The following PIKFYVE variants were observed in gnomAD, a reference collection of about 807,000 sequenced individuals.
PIKFYVE encodes 1-phosphatidylinositol 3-phosphate 5-kinase.
PIKFYVE carries 122 observed loss-of-function variants against 257.9 expected under a neutral mutation model. That is an observed-to-expected ratio of 0.47 (90% confidence interval 0.41 to 0.55). The LOEUF is 0.55. Ranked by LOEUF, PIKFYVE falls within the 20% of genes least tolerant of loss-of-function variation. The pLI is 0.00. For missense variants in PIKFYVE, 2,160 were observed against 2,536.6 expected (o/e 0.85, Z 3.19); for synonymous variants, 892 against 868.9 (o/e 1.03, Z -0.47).
intron 1 of PIKFYVE, 109 bp from the exon 2 acceptor site, chr2:208,271,402 G>T (rs1412459155): frequency 9.5e-7 from 1 of 1,047,548 alleles, no homozygotes; most frequent in African/African-American, 1.6e-5. Context: ...TGTTTTCATA[G>T]TCTGACTTTT....
intron 3 of PIKFYVE, among the ~76,000 whole-genome samples, chr2:208,276,313 A>G (rs552617914): frequency 3.2e-4 from 48 of 152,306 alleles, no homozygotes; most frequent in African/African-American, 1.1e-3. Context: ...GACTTTAGAG[A>G]CCAAGCTAAG....
rs1198645667 is a variant in PIKFYVE, at chr2:208,285,876, T to C, written c.764T>C (p.Val255Ala). The change falls in exon 6 of 42, where the codon GTT becomes GCT. Residue 255 changes from valine to alanine, a missense_variant. Around this residue, in one of 12 missense-constraint regions of PIKFYVE, gnomAD observed 187 missense variants for 185.6 expected, o/e 1.01. Transcript: ENST00000264380. ...GATCCAAGTGAACCCCGAACACCTG[T>C]TGGGAGTAGGAAAGCCAGCCGTAAC... ...VLDPSEPRTP[V>A]GSRKASRNIF... 6.2e-7 allele frequency: 1 copy of C among 1,614,042 alleles called. No individual in the cohort carries two copies. Among genetic ancestry groups the C allele is most frequent in the Non-Finnish European group, 8.5e-7 (1 of 1,180,034 alleles).
At chr2:208,338,854 T>C (rs184434689) in intron 29 of PIKFYVE, among the ~76,000 whole-genome samples, 1 of 152,294 alleles carries the variant, frequency 6.6e-6, no homozygotes, top group East Asian at 1.9e-4. Context: ...ACAAAGTCAA[T>C]CCCCAGGTTT....
At chr2:208,298,817 A>C (rs1693313115) in intron 8 of PIKFYVE, 38 bp downstream of exon 8, 1 of 1,611,698 alleles carries the variant, frequency 6.2e-7, no homozygotes. Flanking sequence ...GCTAGTTTTG[A>C]GCATAGAGAA....
chr2:208,322,996 T>G (rs1211901478), intron 17 of PIKFYVE, among the ~76,000 whole-genome samples: 4 of 151,674 alleles, frequency 2.6e-5, no homozygotes, highest in African/African-American at 9.7e-5. Context: ...GTTTCCAGCT[T>G]CATCCATGTC....
chr2:208,277,496 CAGTATTTTCA>C, intron 4 of PIKFYVE, 31 bp from the exon 5 acceptor site: 1 of 1,594,816 alleles, frequency 6.3e-7, no homozygotes, highest in Non-Finnish European at 8.6e-7. Flanking sequence ...TATTAATAAT[CAGTATTTTCA>C]AGAAGCCTTC....
chr2:208,348,599 A>AGTGTGTGTGTGTGTGTGTGTGTGTGT (rs35997291), intron 35 of PIKFYVE, among the ~76,000 whole-genome samples: 2 of 128,982 alleles, frequency 1.6e-5, no homozygotes, highest in Non-Finnish European at 3.2e-5. Context: ...AAAAAAAAAA[A>AGTGTGTGTGTGTGTGTGTGTGTGTGT]GTGTGTGTGT....
rs1437980451 is a variant in PIKFYVE at position 208,314,370 on chromosome 2, C to T, written c.1773C>T (p.Asn591=). The T allele has an allele frequency of 6.2e-7, 1 of 1,614,004 alleles. No individual in the cohort carries two copies. The highest frequency in any genetic ancestry group is 8.5e-7 in the Non-Finnish European group (1 of 1,179,938). ...CACCTTTGGGCTGGCATCATAACAA[C>T]CTGGAGCTCCTGAGGGAGGAGAATG... is the stretch of plus-strand genomic sequence containing the variant. ...PFTPLGWHHN[N]LELLREENGE... Residue 591 remains asparagine (N), a synonymous_variant, in exon 14 of 42, where the codon AAC becomes AAT. Coordinates refer to ENST00000264380, the MANE Select transcript of PIKFYVE (RefSeq NM_015040.4).
At chr2:208,333,247 A>G (rs1697758249) in intron 23 of PIKFYVE, 68 bp from the exon 24 acceptor site, 1 of 1,526,358 alleles carries the variant, frequency 6.6e-7, no homozygotes, top group Non-Finnish European at 9.0e-7. Context: ...AAAAAAAAAG[A>G]AAATGTTATT....
intron 24 of PIKFYVE, 124 bp from the exon 25 acceptor site, chr2:208,335,182 A>G (rs940311465): frequency 9.7e-6 from 7 of 720,546 alleles, no homozygotes; most frequent in African/African-American, 1.8e-5. Flanking sequence ...TTGTTTTAAA[A>G]TACGATTTTA....
In PIKFYVE at chr2:208,335,427, C is replaced by A; in HGVS notation, c.4256+8C>A. Reference sequence around the variant, plus strand: ...GAAGGACTTCTTTCAAAAGTAAGTTCAGTTTCTTTTATCATCTTTTTTTGT... The same window carrying A: ...GAAGGACTTCTTTCAAAAGTAAGTTAAGTTTCTTTTATCATCTTTTTTTGT... On this transcript the variant is annotated splice_region_variant and intron_variant, in intron 25 of 41. Coordinates refer to ENST00000264380, the MANE Select transcript of PIKFYVE (RefSeq NM_015040.4). 2 of 1,524,032 alleles carry A rather than the reference C, an allele frequency of 1.3e-6. No homozygotes were observed. Among genetic ancestry groups the A allele is most frequent in the South Asian group, 1.1e-5 (1 of 88,996 alleles). The allele number at this position is 1,524,032 out of a possible 1,614,324, so 94.4% of individuals were successfully genotyped here.
chr2:208,336,826 T>A lies in PIKFYVE; in HGVS notation c.4521-12T>A. ...AACCATATATATATATATTTTTTGC[T>A]TTTGGCCACAGGTTGCAGGACCTTT... On this transcript the variant is annotated splice_polypyrimidine_tract_variant and intron_variant, in intron 27 of 41. Transcript: ENST00000264380. 1 of 1,605,094 alleles carries A rather than the reference T, an allele frequency of 6.2e-7. No individual in the cohort carries two copies. Among genetic ancestry groups the A allele is most frequent in the Non-Finnish European group, 8.5e-7 (1 of 1,172,680 alleles).
At chr2:208,339,373 C>G in intron 29 of PIKFYVE, 45 bp from the exon 30 acceptor site, 1 of 1,602,020 alleles carries the variant, frequency 6.2e-7, no homozygotes, top group East Asian at 2.2e-5. Context: ...TAGACATGGA[C>G]TTAATGTATG....
chr2:208,310,622 T>A (rs887605127), intron 12 of PIKFYVE, among the ~76,000 whole-genome samples: 6 of 152,078 alleles, frequency 3.9e-5, no homozygotes, highest in Admixed American at 3.3e-4. Context: ...TAGGAAAACA[T>A]GGGATAGAGG....
At position 208,356,071 on chromosome 2, in the gene PIKFYVE, G is replaced by GT. The variant is rs886055538; in HGVS notation, c.*772dup. 3 of 152,012 alleles carry GT rather than the reference G, an allele frequency of 2.0e-5. No homozygotes were observed. Among genetic ancestry groups the GT allele is most frequent in the African/African-American group, 2.4e-5 (1 of 41,342 alleles). The allele number at this position is 152,012 out of a possible 1,614,324, so 9.4% of individuals were successfully genotyped here. A position where few individuals can be genotyped will look rare whatever the true frequency, so the allele number is the denominator to read the frequency against. ...TACTTGCATACGCTCATATTCTAGG[G>GT]TTTTTTCTCTATTTTTAGGGTATCA... is the stretch of plus-strand genomic sequence containing the variant. On this transcript the variant is annotated 3_prime_UTR_variant, in exon 42 of 42. Transcript: ENST00000264380.
At chr2:208,313,802 C>T (rs1172403699) in intron 13 of PIKFYVE, among the ~76,000 whole-genome samples, 2 of 152,068 alleles carry the variant, frequency 1.3e-5, no homozygotes, top group African/African-American at 2.4e-5. Flanking sequence ...AGGCTGGTCT[C>T]GAACTCCTGA....
intron 17 of PIKFYVE, among the ~76,000 whole-genome samples, chr2:208,323,484 C>T (rs532242661): frequency 8.8e-4 from 134 of 152,300 alleles, no homozygotes; most frequent in Non-Finnish European, 1.5e-3. Context: ...TGTGTATGTG[C>T]CACATTTTCT....
Position 208,333,051 on chromosome 2 carries a change from C to T in PIKFYVE, c.3964-264C>T, listed in dbSNP as rs142105435. ...AGATCGAGACCACCCTGGCTAACAT[C>T]GTGAAACCCTGTCTCTACTAAAAAT... On this transcript the variant is annotated intron_variant, in intron 23 of 41. Transcript: ENST00000264380. 6.0e-3 allele frequency among the ~76,000 whole-genome samples: 906 copies of T among 151,696 alleles called. 8 individuals are homozygous for T. Among genetic ancestry groups the T allele is most frequent in the African/African-American group, 0.021 (874 of 41,324 alleles).
Position 208,325,993 on chromosome 2 carries a change from C to A in PIKFYVE, c.3182C>A (p.Thr1061Lys). 1 of 1,614,156 alleles carries A rather than the reference C, an allele frequency of 6.2e-7. No individual in the cohort carries two copies. The highest frequency in any genetic ancestry group is 8.5e-7 in the Non-Finnish European group (1 of 1,179,982). ...ATCCTCTGTATCTCCCCAGTAATCA[C>A]ATTCCGAGAACCCTTTCTTTTAACT... Reference protein sequence around the residue: ...DVILCISPVITFREPFLLTEK... With the variant: ...DVILCISPVIKFREPFLLTEK... Residue 1061 changes from threonine (T) to lysine (K), a missense_variant, in exon 20 of 42, where the codon ACA becomes AAA. By Grantham distance (78) the Thr-to-Lys change is moderately conservative. This residue lies in a region of PIKFYVE where 522 missense variants were observed against 514.6 expected (regional missense o/e 1.01). Transcript: ENST00000264380.
Sources: allele counts gnomAD v4.1 joint callset (sites outside exome capture counted in the v4.1 genomes callset), GRCh38; gene constraint gnomAD v4.1.1; regional missense constraint gnomAD v4.1.1; transcripts MANE v1.5; gene names NCBI Gene and HGNC (gene_info 2026-07-23, HGNC 2026-07-21).